The following DENND2C variants were observed in gnomAD, a reference collection of about 807,000 sequenced individuals.
The protein encoded by DENND2C is DENN domain containing 2C, also known as DENN domain-containing protein 2C.
DENND2C carries 72 observed loss-of-function variants against 112.4 expected under a neutral mutation model. The ratio of observed to expected loss-of-function variants is 0.64; its 90% confidence interval spans 0.53 to 0.78. The LOEUF (loss-of-function observed/expected upper bound fraction) is 0.78. Ranked by LOEUF, DENND2C falls within the 30% of genes least tolerant of loss-of-function variation. The probability of loss-of-function intolerance (pLI) is 0.00; values close to 1 mark genes in which losing one functional copy is unlikely to be tolerated. For synonymous variants in DENND2C, 329 were observed against 381.6 expected (o/e 0.86, Z 1.61); for missense variants, 992 against 1,113.8 (o/e 0.89, Z 1.56).
intron 1 of DENND2C, among the ~76,000 whole-genome samples, chr1:114,662,340 G>T (rs1657518731): frequency 6.6e-6 from 1 of 151,998 alleles, no homozygotes; most frequent in African/African-American, 2.4e-5. Context: ...TCCCTTTTAA[G>T]TAGCAGCAAA....
intron 2 of DENND2C, among the ~76,000 whole-genome samples, chr1:114,652,292 T>C (rs1239980599): frequency 6.6e-6 from 1 of 152,174 alleles, no homozygotes; most frequent in African/African-American, 2.4e-5. Flanking sequence ...AAAAAGGATA[T>C]ACATATATCT....
chr1:114,650,307 G>A (rs547419691), intron 2 of DENND2C, among the ~76,000 whole-genome samples: 1 of 148,710 alleles, frequency 6.7e-6, no homozygotes, highest in South Asian at 2.1e-4. Context: ...TGGGCAATAA[G>A]AGCGAAATTC....
intron 3 of DENND2C, among the ~76,000 whole-genome samples, chr1:114,636,937 A>G (rs1656673422): frequency 6.6e-6 from 1 of 151,798 alleles, no homozygotes. Flanking sequence ...AATAACAGGT[A>G]CAACAGCATA....
intron 3 of DENND2C, among the ~76,000 whole-genome samples, chr1:114,629,331 G>A (rs1025323519): frequency 1.3e-5 from 2 of 152,206 alleles, no homozygotes; most frequent in Admixed American, 1.3e-4. Context: ...AGGCTGGAGT[G>A]CAATGGTGCA....
intron 2 of DENND2C, among the ~76,000 whole-genome samples, chr1:114,653,267 C>T (rs1195600514): frequency 2.0e-5 from 3 of 151,936 alleles, no homozygotes; most frequent in Admixed American, 6.6e-5. Flanking sequence ...CACCACCACA[C>T]GGCTAATTCT....
intron 1 of DENND2C, among the ~76,000 whole-genome samples, chr1:114,659,154 T>G (rs1247879487): frequency 8.5e-5 from 13 of 152,100 alleles, no homozygotes; most frequent in Admixed American, 8.5e-4. Context: ...GAACTAACAA[T>G]CTCTCTATAT....
intron 1 of DENND2C, among the ~76,000 whole-genome samples, chr1:114,662,641 G>GAA (rs71093605): frequency 2.1e-5 from 3 of 144,166 alleles, no homozygotes; most frequent in African/African-American, 5.1e-5. Flanking sequence ...AGATTCATAA[G>GAA]AAAAAAAAAA....
intron 12 of DENND2C, 23 bp from the exon 13 acceptor site, chr1:114,601,608 A>G: frequency 6.2e-7 from 1 of 1,600,800 alleles, no homozygotes; most frequent in Non-Finnish European, 8.5e-7. Flanking sequence ...AACAACAACA[A>G]CAAAAAAATC....
At chr1:114,645,638 G>A (rs1044388882) in intron 2 of DENND2C, 79 bp from the exon 3 acceptor site, 1 of 152,152 alleles carries the variant, frequency 6.6e-6, no homozygotes, top group Non-Finnish European at 1.5e-5. Flanking sequence ...GAGCTTCACT[G>A]ACTGAATCAG....
At chr1:114,590,549 C>T (rs1008407623) in intron 18 of DENND2C, among the ~76,000 whole-genome samples, 1 of 152,100 alleles carries the variant, frequency 6.6e-6, no homozygotes, top group East Asian at 1.9e-4. Flanking sequence ...GAGGCTGAGG[C>T]GGGCGGATCA....
chr1:114,617,657 CA>C (rs34802002), intron 8 of DENND2C, among the ~76,000 whole-genome samples: 186 of 118,526 alleles, frequency 1.6e-3, no homozygotes, highest in Middle Eastern at 5.0e-3. Flanking sequence ...TACCTTCAGT[CA>C]AAAAAAAAAA....
intron 8 of DENND2C, among the ~76,000 whole-genome samples, chr1:114,617,311 T>C (rs976968893): frequency 7.3e-6 from 1 of 136,258 alleles, no homozygotes; most frequent in Non-Finnish European, 1.6e-5. Context: ...ATAAAACTTA[T>C]TATTTTTTTT....
At chr1:114,655,955 T>C (rs937185062) in intron 1 of DENND2C, among the ~76,000 whole-genome samples, 23 of 151,178 alleles carry the variant, frequency 1.5e-4, no homozygotes, top group Non-Finnish European at 2.7e-4. Context: ...TTCGTTTCTG[T>C]ATACTATTTC....
chr1:114,662,641 GA>G (rs71093605), intron 1 of DENND2C, among the ~76,000 whole-genome samples: 28,933 of 143,980 alleles, frequency 0.2, 3,579 homozygotes, highest in Non-Finnish European at 0.29. Context: ...AGATTCATAA[GA>G]AAAAAAAAAA....
intron 3 of DENND2C, among the ~76,000 whole-genome samples, 172 bp downstream of exon 3, chr1:114,645,276 G>A (rs77411177): frequency 0.032 from 4,863 of 152,226 alleles, 109 homozygotes; most frequent in Non-Finnish European, 0.034. Flanking sequence ...GGTCTCTTGA[G>A]AGGTAATTAA....
intron 18 of DENND2C, among the ~76,000 whole-genome samples, chr1:114,594,197 G>C (rs969381719): frequency 4.6e-5 from 7 of 152,184 alleles, no homozygotes; most frequent in African/African-American, 1.4e-4. Context: ...TCAGTGAGAA[G>C]ATGATGTGAG....
At chr1:114,638,335 A>T (rs1656711911) in intron 3 of DENND2C, among the ~76,000 whole-genome samples, 2 of 152,220 alleles carry the variant, frequency 1.3e-5, no homozygotes, top group Non-Finnish European at 2.9e-5. Context: ...CTGGAAGAAA[A>T]AAATCTTCAC....
At chr1:114,635,308 C>T (rs1162835903) in intron 3 of DENND2C, among the ~76,000 whole-genome samples, 1 of 151,590 alleles carries the variant, frequency 6.6e-6, no homozygotes, top group Non-Finnish European at 1.5e-5. Flanking sequence ...AAGCATAAAC[C>T]CAAAGAAACT....
chr1:114,622,551 C>T (rs1355500592), intron 6 of DENND2C, among the ~76,000 whole-genome samples: 1 of 152,088 alleles, frequency 6.6e-6, no homozygotes, highest in Non-Finnish European at 1.5e-5. Context: ...AAAGAAGTTT[C>T]TCAGGTTTCT....
Sources: allele counts gnomAD v4.1 joint callset (sites outside exome capture counted in the v4.1 genomes callset), GRCh38; gene constraint gnomAD v4.1.1; transcripts MANE v1.5; gene names NCBI Gene and HGNC (gene_info 2026-07-23, HGNC 2026-07-21).